FAT3: variants seen among roughly 807,000 people sequenced by gnomAD.
FAT3 encodes the protein FAT atypical cadherin 3.
In FAT3, 95 loss-of-function variants were observed where a neutral mutation model predicts 310.2. That is an observed-to-expected ratio of 0.31 (90% CI 0.26 to 0.36). The LOEUF (loss-of-function observed/expected upper bound fraction) is 0.36, where lower values mean the gene tolerates loss of function less well. Ranked by LOEUF, FAT3 falls within the 10% of genes least tolerant of loss-of-function variation. The pLI, the probability that FAT3 is intolerant of heterozygous loss-of-function variation, is 1.00. For missense variants in FAT3, 5,408 were observed against 5,715.6 expected, an observed-to-expected ratio of 0.95 and a Z score of 1.74; for synonymous variants, 2,314 against 2,192.9, an observed-to-expected ratio of 1.06 and a Z score of -1.54.
At position 92,831,788 on chromosome 11, in the gene FAT3, G is replaced by A; in HGVS notation, c.9648G>A (p.Leu3216=). 1.2e-6 allele frequency: 2 copies of A among 1,613,474 alleles called. No homozygotes were observed. Among genetic ancestry groups the A allele is most frequent in the Non-Finnish European group, 1.7e-6 (2 of 1,179,754 alleles). ...CTGACCAGAGTCCTGGACAGTCCCT[G>A]TCCTCTCTCACTACTGTCACCATCA... ...RATDQSPGQS[L]SSLTTVTITV... is the part of the protein sequence containing the mutation. Residue 3216 remains leucine (L), a synonymous_variant, in exon 14 of 28, where the codon CTG becomes CTA. Coordinates refer to ENST00000525166, the MANE Select transcript of FAT3 (RefSeq NM_001367949.2).
chr11:92,420,155 G>A (rs1459648607), intron 2 of FAT3, among the ~76,000 whole-genome samples: 1 of 152,164 alleles, frequency 6.6e-6, no homozygotes, highest in East Asian at 1.9e-4. Flanking sequence ...AGTTGGCACA[G>A]AGACCATCTG....
chr11:92,324,995 T>G (rs967566610), intron 1 of FAT3, among the ~76,000 whole-genome samples: 2 of 152,222 alleles, frequency 1.3e-5, no homozygotes, highest in African/African-American at 4.8e-5. Context: ...ACCAGGACCT[T>G]TAATCTGATC....
rs80104258 is a variant in FAT3 at position 92,700,994 on chromosome 11, A to C, written c.3669+3549A>C. Among the ~76,000 whole-genome samples the C allele has an allele frequency of 6.8e-3, 1,031 of 152,300 alleles. 9 individuals are homozygous for C. The highest frequency in any genetic ancestry group is 0.024 in the African/African-American group (978 of 41,560). On this transcript the variant is annotated intron_variant, in intron 4 of 27. Coordinates refer to ENST00000525166, the MANE Select transcript of FAT3 (RefSeq NM_001367949.2). The stretch of plus-strand genomic sequence containing the variant: ...GAAATGGTATCATTGAGAATGTAGA[A>C]TAGAGTTGTCTGTTATACACAAAAT...
intron 3 of FAT3, among the ~76,000 whole-genome samples, chr11:92,597,910 A>G (rs376612093): frequency 2.4e-4 from 36 of 152,178 alleles, no homozygotes; most frequent in Non-Finnish European, 4.3e-4. Flanking sequence ...TCTCTGCAGG[A>G]TATCTTTTTC....
chr11:92,845,850 G>T (rs2136295441), intron 19 of FAT3, among the ~76,000 whole-genome samples: 1 of 152,184 alleles, frequency 6.6e-6, no homozygotes, highest in South Asian at 2.1e-4. Flanking sequence ...CTCATCACAG[G>T]GAGGCCCTAG....
At chr11:92,573,371 C>G (rs1345138657) in intron 3 of FAT3, among the ~76,000 whole-genome samples, 1 of 152,064 alleles carries the variant, frequency 6.6e-6, no homozygotes, top group East Asian at 1.9e-4. Context: ...CTCAGTGGCC[C>G]CTAGTAACAT....
intron 1 of FAT3, among the ~76,000 whole-genome samples, chr11:92,260,571 C>T (rs528941218): frequency 2.0e-5 from 3 of 152,016 alleles, no homozygotes; most frequent in African/African-American, 7.2e-5. Context: ...GGTAAATGCA[C>T]CAGTGTAACA....
intron 2 of FAT3, among the ~76,000 whole-genome samples, chr11:92,453,694 ACT>A (rs1295214191): frequency 2.6e-5 from 4 of 152,168 alleles, no homozygotes; most frequent in East Asian, 1.9e-4. Flanking sequence ...TTTTATTAAG[ACT>A]CTATTGTTTT....
intron 2 of FAT3, among the ~76,000 whole-genome samples, chr11:92,509,764 A>G (rs768647409): frequency 4.1e-4 from 62 of 152,314 alleles, no homozygotes; most frequent in Middle Eastern, 3.4e-3. Context: ...GCACCTAAAT[A>G]AAACTACAGA....
In FAT3 at chr11:92,640,986, C is replaced by T. The variant is rs147116764; in HGVS notation, c.3608-56398C>T. ...CTTTGGAAGGTGGATTGTTTGAGTT[C>T]AGGAGTTTGAGACCAGCCAGGGCAA... is the stretch of plus-strand genomic sequence containing the variant. On this transcript the variant is annotated intron_variant, in intron 3 of 27. Coordinates refer to ENST00000525166, the MANE Select transcript of FAT3 (RefSeq NM_001367949.2). Among the ~76,000 whole-genome samples, 939 of 152,260 alleles carry T rather than the reference C, an allele frequency of 6.2e-3. 3 individuals carry two copies. Among genetic ancestry groups the T allele is most frequent in the Non-Finnish European group, 8.9e-3 (603 of 68,032 alleles).
At chr11:92,227,876 T>C (rs1176935433) in intron 1 of FAT3, among the ~76,000 whole-genome samples, 1 of 151,872 alleles carries the variant, frequency 6.6e-6, no homozygotes, top group Non-Finnish European at 1.5e-5. Context: ...TTTAGCACTT[T>C]GATGTGCTTC....
intron 3 of FAT3, among the ~76,000 whole-genome samples, chr11:92,614,204 T>G (rs904745023): frequency 2.6e-5 from 4 of 152,204 alleles, no homozygotes; most frequent in African/African-American, 7.2e-5. Flanking sequence ...AATACTGCTA[T>G]GAACATTCAT....
intron 3 of FAT3, among the ~76,000 whole-genome samples, chr11:92,599,663 A>G (rs1939912270): frequency 6.6e-6 from 1 of 152,224 alleles, no homozygotes; most frequent in African/African-American, 2.4e-5. Context: ...TGCAGAGATT[A>G]AAGTTCACAT....
At chr11:92,251,433 A>G (rs1018225262) in intron 1 of FAT3, among the ~76,000 whole-genome samples, 1 of 152,190 alleles carries the variant, frequency 6.6e-6, no homozygotes, top group African/African-American at 2.4e-5. Flanking sequence ...CAAAAAAAGC[A>G]GGTACTTAAT....
At chr11:92,457,092 A>G (rs1030535101) in intron 2 of FAT3, among the ~76,000 whole-genome samples, 1 of 152,142 alleles carries the variant, frequency 6.6e-6, no homozygotes, top group Non-Finnish European at 1.5e-5. Flanking sequence ...AGGTAAGCCA[A>G]AAAGGGCCTG....
At chr11:92,706,587 C>T (rs1197775043) in intron 4 of FAT3, among the ~76,000 whole-genome samples, 1 of 152,054 alleles carries the variant, frequency 6.6e-6, no homozygotes, top group African/African-American at 2.4e-5. Flanking sequence ...ATGTTGACAA[C>T]TCCATCATTT....
chr11:92,795,731 CA>C (rs2136170961), intron 9 of FAT3, among the ~76,000 whole-genome samples: 1 of 152,082 alleles, frequency 6.6e-6, no homozygotes, highest in African/African-American at 2.4e-5. Context: ...ACCAACGTGG[CA>C]AAACCCCGTC....
At chr11:92,722,642 G>A (rs1944896744) in intron 4 of FAT3, among the ~76,000 whole-genome samples, 1 of 152,204 alleles carries the variant, frequency 6.6e-6, no homozygotes, top group South Asian at 2.1e-4. Flanking sequence ...GGTTCTCCAT[G>A]AGAGCCCCAC....
chr11:92,367,069 T>C (rs1949043123), intron 2 of FAT3: 2 of 475,052 alleles, frequency 4.2e-6, no homozygotes, highest in African/African-American at 3.9e-5. Flanking sequence ...GATCACTCTC[T>C]TCTGCACTGA....
Sources: gnomAD v4.1 joint callset for allele counts (sites outside exome capture counted in the v4.1 genomes callset) on GRCh38, gnomAD v4.1.1 for gene constraint, MANE v1.5 for transcripts, NCBI Gene and HGNC (gene_info 2026-07-23, HGNC 2026-07-21) for gene names.